NEDD9: variants seen among roughly 807,000 people sequenced by gnomAD.
NEDD9 encodes the protein enhancer of filamentation 1.
In NEDD9, 26 loss-of-function variants were observed where a neutral mutation model predicts 76.6. That is an observed-to-expected ratio of 0.34 (90% CI 0.25 to 0.47). The LOEUF (loss-of-function observed/expected upper bound fraction) is 0.47. Among genes scored for constraint, NEDD9 ranks in the 20% least tolerant of loss-of-function variants. The pLI is 1.00. For synonymous variants in NEDD9, 392 were observed against 414.2 expected (o/e 0.95, Z 0.65); for missense variants, 937 against 1,058.5 (o/e 0.89, Z 1.59).
At chr6:11,269,588 CT>C (rs932875618) in intron 3 of NEDD9, among the ~76,000 whole-genome samples, 1 of 148,722 alleles carries the variant, frequency 6.7e-6, no homozygotes, top group African/African-American at 2.4e-5. Flanking sequence ...TTAAATAACT[CT>C]TTTTTTTTCT....
chr6:11,207,274 C>G (rs1211287640), intron 2 of NEDD9, among the ~76,000 whole-genome samples: 1 of 152,166 alleles, frequency 6.6e-6, no homozygotes, highest in Non-Finnish European at 1.5e-5. Flanking sequence ...TCTGGGCAAC[C>G]AGATTGCACA....
At chr6:11,233,036 A>G (rs1759528355), upstream of NEDD9, among the ~76,000 whole-genome samples, 1 of 152,076 alleles carries the variant, frequency 6.6e-6, no homozygotes, top group African/African-American at 2.4e-5. Context: ...TCATAAACCC[A>G]TTTCGTTTCA....
intron 6 of NEDD9, among the ~76,000 whole-genome samples, chr6:11,186,118 G>A (rs868805403): frequency 9.9e-5 from 15 of 152,226 alleles, no homozygotes; most frequent in Middle Eastern, 3.4e-3. Flanking sequence ...GCTCCTTCTC[G>A]GAGAAAGCCT....
At chr6:11,288,048 G>T (rs561254988) in intron 3 of NEDD9, among the ~76,000 whole-genome samples, 3 of 152,342 alleles carry the variant, frequency 2.0e-5, no homozygotes, top group Admixed American at 2.0e-4. Flanking sequence ...CCTCCACTCT[G>T]CAGACTGCTC....
At position 11,185,149 on chromosome 6, in the gene NEDD9, C is replaced by CTTTTTTTTTTTTTTT; in HGVS notation, c.*12_*13insAAAAAAAAAAAAAAA. On this transcript the variant is annotated 3_prime_UTR_variant, in exon 7 of 7. Coordinates refer to ENST00000379446, the MANE Select transcript of NEDD9 (RefSeq NM_006403.4). ...TAACCGTTAACGCAGTCCCCTTCCTCTTTTTTTTCTTCTCAGAACGTTGCC... is the reference window on the plus strand; with the variant it reads ...TAACCGTTAACGCAGTCCCCTTCCTCTTTTTTTTTTTTTTTTTTTTTTTCTTCTCAGAACGTTGCC... 6.2e-7 allele frequency: 1 copy of CTTTTTTTTTTTTTTT among 1,600,332 alleles called. No homozygotes were observed. The highest frequency in any genetic ancestry group is 8.5e-7 in the Non-Finnish European group (1 of 1,170,136).
chr6:11,233,278 A>G, upstream of NEDD9: 1 of 518,948 alleles, frequency 1.9e-6, no homozygotes, highest in Non-Finnish European at 3.8e-6. Context: ...CTGGAAGACA[A>G]TTCTCCCTTA....
At chr6:11,380,633 C>T (rs1763045608) in intron 1 of NEDD9, among the ~76,000 whole-genome samples, 1 of 152,168 alleles carries the variant, frequency 6.6e-6, no homozygotes, top group African/African-American at 2.4e-5. Flanking sequence ...CCCTTCTCTG[C>T]CAGATGCTTA....
In NEDD9 at chr6:11,190,065, C is replaced by A; in HGVS notation, c.1804G>T (p.Ala602Ser). The change falls in exon 5 of 7, where the codon GCA (alanine) becomes TCA (serine). Residue 602 changes from alanine (A) to serine (S), a missense_variant. Transcript: ENST00000379446. This position sits in a 1 kb window ranked among gnomAD's most constrained non-coding sequence, Gnocchi z 5.8. ...GDHKAQAHNKALPPGLSKEQA... is the reference protein window; with the variant it reads ...GDHKAQAHNKSLPPGLSKEQA... ...TCCTTGCTCAGGCCTGGGGGCAGTG[C>A]CTTGTTGTGGGCCTGGGCCTTGTGG... 1 of 1,598,356 alleles carries A rather than the reference C, an allele frequency of 6.3e-7. No homozygotes were observed. Among genetic ancestry groups the A allele is most frequent in the Non-Finnish European group, 8.5e-7 (1 of 1,171,456 alleles).
At chr6:11,236,983 G>A (rs928451437), upstream of NEDD9, among the ~76,000 whole-genome samples, 1 of 152,022 alleles carries the variant, frequency 6.6e-6, no homozygotes, top group Non-Finnish European at 1.5e-5. The surrounding 1 kb of genome is among the most constrained non-coding windows in gnomAD (Gnocchi z 5.5). Flanking sequence ...ATTCCAAGAC[G>A]GACTTGCACC....
At chr6:11,197,431 C>T (rs1338699787) in intron 2 of NEDD9, among the ~76,000 whole-genome samples, 4 of 152,084 alleles carry the variant, frequency 2.6e-5, no homozygotes, top group African/African-American at 4.8e-5. Context: ...CGTGATTACC[C>T]GGCACAGGAT....
rs186541777 is a variant in NEDD9, at chr6:11,332,814, T to C, written c.-153+1687A>G. Reference sequence around the variant, plus strand: ...GCAGAGGTAGATCTGTGCTTGATGATTGAATGGATGAGTTTCAGTGAACTG... The same window carrying C: ...GCAGAGGTAGATCTGTGCTTGATGACTGAATGGATGAGTTTCAGTGAACTG... On this transcript the variant is annotated intron_variant, in intron 2 of 3. Transcript: ENST00000397378. 2.0e-3 allele frequency among the ~76,000 whole-genome samples: 299 copies of C among 152,228 alleles called. 1 individual carries two copies. The highest frequency in any genetic ancestry group is 6.9e-3 in the African/African-American group (286 of 41,526).
At chr6:11,195,720 C>T (rs961792163) in intron 2 of NEDD9, among the ~76,000 whole-genome samples, 5 of 152,228 alleles carry the variant, frequency 3.3e-5, no homozygotes, top group Admixed American at 6.5e-5. Flanking sequence ...GCATGTCGGG[C>T]GCAGTGGCTC....
intron 2 of NEDD9, among the ~76,000 whole-genome samples, chr6:11,328,072 G>C (rs946702865): frequency 6.6e-6 from 1 of 152,254 alleles, no homozygotes; most frequent in Non-Finnish European, 1.5e-5. Flanking sequence ...CAGGCCTGCT[G>C]CCTGCTCCCA....
intron 1 of NEDD9, among the ~76,000 whole-genome samples, chr6:11,347,529 C>T (rs1441610053): frequency 6.6e-6 from 1 of 152,168 alleles, no homozygotes; most frequent in Non-Finnish European, 1.5e-5. Context: ...CCTTGATGAA[C>T]ATTGATGCAT....
chr6:11,357,257 G>A (rs1762595386), intron 1 of NEDD9, among the ~76,000 whole-genome samples: 1 of 152,084 alleles, frequency 6.6e-6, no homozygotes, highest in Admixed American at 6.5e-5. Flanking sequence ...CCCTCTGGAA[G>A]CCCCAAATGA....
At chr6:11,192,306 C>G in intron 4 of NEDD9, 39 bp downstream of exon 4, 1 of 923,416 alleles carries the variant, frequency 1.1e-6, no homozygotes. Flanking sequence ...CAGACACACA[C>G]ACACACTCCT....
intron 1 of NEDD9, among the ~76,000 whole-genome samples, chr6:11,218,903 G>A (rs935584375): frequency 2.0e-5 from 3 of 152,112 alleles, no homozygotes; most frequent in Non-Finnish European, 2.9e-5. Context: ...ACTAGTGTTC[G>A]CAACTACGGA....
In NEDD9 at chr6:11,268,560, T is replaced by G. The variant is rs565760171; in HGVS notation, c.12+37432A>C. 3.5e-4 allele frequency among the ~76,000 whole-genome samples: 53 copies of G among 152,140 alleles called. 2 individuals carry two copies. The South Asian group carries it at 0.011, about 31-fold the overall frequency. The stretch of plus-strand genomic sequence containing the variant: ...CTGGCCACCATGGTGAAACCCTGTC[T>G]CTACTAAAAATACAAAAATTAGCCT... On this transcript the variant is annotated intron_variant, in intron 3 of 3. Transcript: ENST00000397378.
chr6:11,229,583 A>AGCCCCCGCCC (rs1188624709), intron 1 of NEDD9, among the ~76,000 whole-genome samples: 1 of 152,184 alleles, frequency 6.6e-6, no homozygotes, highest in Non-Finnish European at 1.5e-5. Flanking sequence ...TAACCCCGCC[A>AGCCCCCGCCC]GCCCCCGCCC....
Sources: gnomAD v4.1 joint callset for allele counts (sites outside exome capture counted in the v4.1 genomes callset) on GRCh38, gnomAD v4.1.1 for gene constraint, Gnocchi (gnomAD v3.1) non-coding constraint, MANE v1.5 for transcripts, NCBI Gene and HGNC (gene_info 2026-07-23, HGNC 2026-07-21) for gene names.